The following CFH variants were observed in gnomAD, a reference collection of about 807,000 sequenced individuals.
The protein encoded by CFH is complement factor H, also known as H factor 1 (complement).
Under a neutral mutation model 147.3 loss-of-function variants are expected in CFH, and 53 were observed. The observed-to-expected ratio is 0.36, with a 90% CI of 0.29 to 0.45. The LOEUF (loss-of-function observed/expected upper bound fraction) is 0.45. Ranked by LOEUF, CFH falls within the 20% of genes least tolerant of loss-of-function variation. The pLI, the probability that CFH is intolerant of heterozygous loss-of-function variation, is 1.00. For missense variants in CFH, 1,380 were observed against 1,498.0 expected (o/e 0.92, Z 1.30); for synonymous variants, 536 against 489.4 (o/e 1.10, Z -1.26).
At chr1:196,743,385 CTGT>C (rs1414867427) in intron 19 of CFH, 64 bp from the exon 20 acceptor site, 1 of 1,585,168 alleles carries the variant, frequency 6.3e-7, no homozygotes, top group African/African-American at 1.3e-5. Flanking sequence ...ATATTTGTAA[CTGT>C]TATCAGTTGA....
At chr1:196,744,004 C>T (rs1324577444) in intron 20 of CFH, among the ~76,000 whole-genome samples, 1 of 151,980 alleles carries the variant, frequency 6.6e-6, no homozygotes, top group Non-Finnish European at 1.5e-5. Flanking sequence ...TAAATGTGGG[C>T]ATCTTCAGTA....
chr1:196,734,947 C>T (rs1224183964), intron 15 of CFH, among the ~76,000 whole-genome samples: 1 of 152,036 alleles, frequency 6.6e-6, no homozygotes, highest in Non-Finnish European at 1.5e-5. Flanking sequence ...TTTCTTCCTT[C>T]TGATGACTTC....
chr1:196,698,531 G>A (rs1573039538), intron 9 of CFH, among the ~76,000 whole-genome samples: 2 of 152,106 alleles, frequency 1.3e-5, no homozygotes, highest in East Asian at 3.9e-4. Flanking sequence ...GAAGAAAGAA[G>A]TCAAAACCCT....
rs1397842140 is a variant in CFH, at chr1:196,692,870, C to G, written c.1336+2631C>G. Among the ~76,000 whole-genome samples, 3 of 119,936 alleles carry G rather than the reference C, an allele frequency of 2.5e-5. 1 individual carries two copies. The highest frequency in any genetic ancestry group is 3.0e-4 in the South Asian group (1 of 3,384). 78.7% of individuals were successfully genotyped at this position (119,936 alleles called of 152,430 possible). A position where few individuals can be genotyped will look rare whatever the true frequency, so the allele number is the denominator to read the frequency against. ...TTCCCTCCCTCCCTTCCCTCCCTCC[C>G]TCTGTCACCTCCCTCCCTCCCTCCC... On this transcript the variant is annotated intron_variant, in intron 9 of 21. Transcript: ENST00000367429.
chr1:196,691,204 A>G (rs1384742909), intron 9 of CFH, among the ~76,000 whole-genome samples: 4 of 152,084 alleles, frequency 2.6e-5, no homozygotes, highest in African/African-American at 7.2e-5. Context: ...ATAATTATAC[A>G]ATTATAGTTT....
At chr1:196,726,011 AT>A (rs1669127871) in intron 12 of CFH, among the ~76,000 whole-genome samples, 1 of 152,176 alleles carries the variant, frequency 6.6e-6, no homozygotes, top group South Asian at 2.1e-4. Context: ...CATTCTGGAC[AT>A]TTTATATAGT....
chr1:196,703,647 A>G (rs983917316), intron 9 of CFH, among the ~76,000 whole-genome samples: 3 of 152,126 alleles, frequency 2.0e-5, no homozygotes, highest in African/African-American at 7.2e-5. Flanking sequence ...TGATGAGATC[A>G]TTCCTCCAAA....
intron 6 of CFH, among the ~76,000 whole-genome samples, chr1:196,682,336 G>T (rs1325337225): frequency 6.6e-6 from 1 of 151,628 alleles, no homozygotes; most frequent in Non-Finnish European, 1.5e-5. Context: ...ATAGTCTCAA[G>T]TATTGTTTTG....
intron 8 of CFH, 136 bp from the exon 9 acceptor site, chr1:196,689,927 C>A (rs1353815832): frequency 2.0e-6 from 2 of 1,023,666 alleles, no homozygotes; most frequent in Non-Finnish European, 2.8e-6. Context: ...AACTTTAGTT[C>A]GTCTTCAGTT....
At chr1:196,663,575 G>A (rs16840397) in intron 1 of CFH, among the ~76,000 whole-genome samples, 7,974 of 152,002 alleles carry the variant, frequency 0.052, 649 homozygotes, top group African/African-American at 0.17. Context: ...TGAAGTTTAT[G>A]GTAACTAGGT....
chr1:196,747,376 T>TG lies in CFH; in HGVS notation c.*63_*64insG, dbSNP rs1446889207. 1 of 1,602,630 alleles carries TG rather than the reference T, an allele frequency of 6.2e-7. No homozygotes were observed. ...AGTATTAAATCAGTTCTCAATTTCATTTTTTATGTATTGTTTTACTCCTTT... is the reference window on the plus strand; with the variant it reads ...AGTATTAAATCAGTTCTCAATTTCATGTTTTTATGTATTGTTTTACTCCTTT... On this transcript the variant is annotated 3_prime_UTR_variant, in exon 22 of 22. Coordinates refer to ENST00000367429, the MANE Select transcript of CFH (RefSeq NM_000186.4).
chr1:196,679,427 C>T, intron 5 of CFH, 196 bp from the exon 6 acceptor site: 1 of 446,544 alleles, frequency 2.2e-6, no homozygotes, highest in Admixed American at 3.8e-5. Flanking sequence ...TAAATAAAAT[C>T]AGAAGCATAA....
intron 15 of CFH, among the ~76,000 whole-genome samples, chr1:196,734,657 GT>G (rs973388916): frequency 2.6e-5 from 4 of 152,192 alleles, no homozygotes; most frequent in Non-Finnish European, 5.9e-5. Context: ...CAGTGTGCCT[GT>G]GGGGGGAAGG....
At chr1:196,696,393 A>G (rs1668273417) in intron 9 of CFH, among the ~76,000 whole-genome samples, 1 of 152,180 alleles carries the variant, frequency 6.6e-6, no homozygotes, top group African/African-American at 2.4e-5. Context: ...GCAGAAGTAA[A>G]TAAGTTCCTT....
chr1:196,727,023 A>C, intron 14 of CFH, 83 bp downstream of exon 14: 1 of 1,277,708 alleles, frequency 7.8e-7, no homozygotes, highest in Non-Finnish European at 1.1e-6. Flanking sequence ...ATATTTTTGA[A>C]ATTTACAGAT....
chr1:196,679,909 T>C (rs2149082178), intron 6 of CFH, 116 bp downstream of exon 6: 1 of 960,232 alleles, frequency 1.0e-6, no homozygotes, highest in African/African-American at 1.7e-5. Flanking sequence ...GTAAATAAAC[T>C]ATTATAAAAA....
chr1:196,685,507 C>T (rs909455383), intron 7 of CFH, among the ~76,000 whole-genome samples: 1 of 152,044 alleles, frequency 6.6e-6, no homozygotes, highest in African/African-American at 2.4e-5. Flanking sequence ...ATAATGTCAT[C>T]TAACACATAC....
chr1:196,728,317 A>G, intron 14 of CFH, 29 bp from the exon 15 acceptor site: 1 of 1,315,994 alleles, frequency 7.6e-7, no homozygotes, highest in Non-Finnish European at 1.0e-6. Context: ...TATCATTTGA[A>G]TTTTCATAAA....
rs1288668677 is a variant in CFH, at chr1:196,727,070, TC to T, written c.2236+131del. ...TTTCCAGTCTTCAATATGAGACCAA[TC>T]TTTTGCATATTGCTTATAATTCAAT... On this transcript the variant is annotated intron_variant, in intron 14 of 21. Transcript: ENST00000367429. 5.2e-5 allele frequency: 40 copies of T among 763,454 alleles called. No individual in the cohort carries two copies. The Admixed American group carries it at 7.0e-4, about 13-fold the overall frequency. 47.3% of individuals were successfully genotyped at this position (763,454 alleles called of 1,614,324 possible).
Sources: gnomAD v4.1 joint callset for allele counts (sites outside exome capture counted in the v4.1 genomes callset) on GRCh38, gnomAD v4.1.1 for gene constraint, MANE v1.5 for transcripts, NCBI Gene and HGNC (gene_info 2026-07-23, HGNC 2026-07-21) for gene names.